PPP6R3: variants seen among roughly 807,000 people sequenced by gnomAD.
The protein encoded by PPP6R3 is serine/threonine-protein phosphatase 6 regulatory subunit 3.
In PPP6R3, 38 loss-of-function variants were observed where a neutral mutation model predicts 110.7. That is an observed-to-expected ratio of 0.34 (90% CI 0.26 to 0.45). The LOEUF (loss-of-function observed/expected upper bound fraction) is 0.45, where lower values mean the gene tolerates loss of function less well. PPP6R3 is among the 20% of genes least tolerant of loss of function. The pLI, the probability that PPP6R3 is intolerant of heterozygous loss-of-function variation, is 1.00. For missense variants in PPP6R3, 870 were observed against 1,062.4 expected (o/e 0.82, Z 2.52); for synonymous variants, 369 against 373.5 (o/e 0.99, Z 0.14).
At chr11:68,591,425 A>G (rs748651634) in intron 17 of PPP6R3, 151 bp from the exon 18 acceptor site, 1 of 647,870 alleles carries the variant, frequency 1.5e-6, no homozygotes, top group Non-Finnish European at 2.4e-6. Flanking sequence ...CACAGAAACT[A>G]ATGTTAGGTG....
intron 1 of PPP6R3, among the ~76,000 whole-genome samples, chr11:68,508,002 T>TTA (rs1224232840): frequency 6.6e-6 from 1 of 151,472 alleles, no homozygotes; most frequent in Admixed American, 6.6e-5. Flanking sequence ...GCCTAAGTGT[T>TTA]TGAGACCAGC....
At chr11:68,502,031 CGT>C (rs1318359433) in intron 1 of PPP6R3, among the ~76,000 whole-genome samples, 4 of 152,150 alleles carry the variant, frequency 2.6e-5, no homozygotes, top group Non-Finnish European at 2.9e-5. Flanking sequence ...TTTGAAAAAA[CGT>C]GTTGACACTA....
chr11:68,548,039 T>G (rs2099356215), intron 4 of PPP6R3, 28 bp from the exon 5 acceptor site: 3 of 1,598,806 alleles, frequency 1.9e-6, no homozygotes, highest in Non-Finnish European at 1.7e-6. Flanking sequence ...GTTACATGTC[T>G]TTCAGTTTCT....
chr11:68,542,689 C>T (rs11602403), intron 3 of PPP6R3, among the ~76,000 whole-genome samples: 48 of 152,166 alleles, frequency 3.2e-4, no homozygotes, highest in African/African-American at 8.9e-4. Context: ...CCACCGCGCT[C>T]GGCCTTGAGA....
intron 3 of PPP6R3, among the ~76,000 whole-genome samples, chr11:68,543,982 G>A (rs2099333387): frequency 6.6e-6 from 1 of 152,206 alleles, no homozygotes; most frequent in Admixed American, 6.5e-5. Flanking sequence ...CAGGTGTCAT[G>A]TTCTTAGCCG....
intron 5 of PPP6R3, among the ~76,000 whole-genome samples, chr11:68,548,761 A>C (rs142428458): frequency 6.6e-6 from 1 of 152,154 alleles, no homozygotes; most frequent in African/African-American, 2.4e-5. Flanking sequence ...GATTTTTAGG[A>C]TGTGTGCCTC....
intron 3 of PPP6R3, among the ~76,000 whole-genome samples, chr11:68,542,392 T>TTTTTTTTGTTTTTTTTG (rs1406027081): frequency 1.0e-5 from 1 of 99,144 alleles, no homozygotes; most frequent in Non-Finnish European, 2.0e-5. Context: ...AGCTGCTGTT[T>TTTTTTTTGTTTTTTTTG]TTTTTTTTTT....
intron 9 of PPP6R3, among the ~76,000 whole-genome samples, chr11:68,565,456 T>G (rs2099459102): frequency 6.6e-6 from 1 of 152,038 alleles, no homozygotes; most frequent in African/African-American, 2.4e-5. Context: ...TGTTGGTGTT[T>G]GACAATGATG....
At chr11:68,509,807 T>C (rs149143308) in intron 1 of PPP6R3, among the ~76,000 whole-genome samples, 4 of 138,400 alleles carry the variant, frequency 2.9e-5, no homozygotes, top group African/African-American at 1.1e-4. Context: ...TGGAGTGCAA[T>C]GGCACAATCT....
intron 2 of PPP6R3, among the ~76,000 whole-genome samples, chr11:68,537,131 C>CT (rs1352715625): frequency 6.6e-5 from 10 of 152,192 alleles, no homozygotes; most frequent in Non-Finnish European, 2.9e-5. Flanking sequence ...ATCAGTTTCT[C>CT]TAACTCCTCA....
At chr11:68,502,966 C>T (rs573508213) in intron 1 of PPP6R3, among the ~76,000 whole-genome samples, 5 of 151,554 alleles carry the variant, frequency 3.3e-5, no homozygotes, top group African/African-American at 1.2e-4. Flanking sequence ...GTTTTTGAGA[C>T]GGAGTCTCAC....
At chr11:68,535,268 C>CA (rs1352978446) in intron 2 of PPP6R3, 1 of 152,248 alleles carries the variant, frequency 6.6e-6, no homozygotes, top group Non-Finnish European at 1.5e-5. Flanking sequence ...AGCCTAGCAG[C>CA]ATAGTGGCTG....
At chr11:68,468,016 C>T (rs1050802342) in intron 1 of PPP6R3, among the ~76,000 whole-genome samples, 23 of 152,116 alleles carry the variant, frequency 1.5e-4, no homozygotes, top group South Asian at 8.3e-4. Context: ...TCTAGTGATC[C>T]GCCCGTCTTG....
intron 22 of PPP6R3, among the ~76,000 whole-genome samples, chr11:68,607,912 T>A (rs563311447): frequency 6.6e-6 from 1 of 152,136 alleles, no homozygotes; most frequent in African/African-American, 2.4e-5. Flanking sequence ...TAGCTGGAAC[T>A]ACAGTTGTGT....
chr11:68,596,492 A>G (rs1409709239), intron 19 of PPP6R3, among the ~76,000 whole-genome samples: 2 of 152,208 alleles, frequency 1.3e-5, no homozygotes, highest in Non-Finnish European at 2.9e-5. Flanking sequence ...GCCCACTGCT[A>G]GGTCAGTCTT....
chr11:68,497,066 A>T (rs1310993569), intron 1 of PPP6R3, among the ~76,000 whole-genome samples: 1 of 144,124 alleles, frequency 6.9e-6, no homozygotes, highest in African/African-American at 2.6e-5. Context: ...TTGTTTTTTG[A>T]GACGGAGTCT....
chr11:68,551,033 G>C (rs544527147), intron 5 of PPP6R3, 88 bp from the exon 6 acceptor site: 1 of 921,770 alleles, frequency 1.1e-6, no homozygotes, highest in East Asian at 2.5e-5. Flanking sequence ...CTTAAAATGT[G>C]ATGGATATTT....
intron 1 of PPP6R3, among the ~76,000 whole-genome samples, chr11:68,470,019 T>C (rs2098779002): frequency 6.6e-6 from 1 of 152,218 alleles, no homozygotes; most frequent in Admixed American, 6.5e-5. Flanking sequence ...CCACTCAACA[T>C]TGTTTCTGTG....
chr11:68,548,260 C>T, intron 5 of PPP6R3, 56 bp downstream of exon 5: 2 of 1,595,806 alleles, frequency 1.3e-6, no homozygotes, highest in Non-Finnish European at 1.7e-6. Context: ...CATGTGAGCC[C>T]ACCAGGCTGC....
Sources: allele counts gnomAD v4.1 joint callset (sites outside exome capture counted in the v4.1 genomes callset), GRCh38; gene constraint gnomAD v4.1.1; transcripts MANE v1.5; gene names NCBI Gene and HGNC (gene_info 2026-07-23, HGNC 2026-07-21).